The following INTS14 variants were observed in gnomAD, a reference collection of about 807,000 sequenced individuals.
The protein encoded by INTS14 is UPF0464 protein C15orf44.
Under a neutral mutation model 56.9 loss-of-function variants are expected in INTS14, and 27 were observed. That is an observed-to-expected ratio of 0.47 (90% confidence interval 0.35 to 0.65). The LOEUF (loss-of-function observed/expected upper bound fraction) is 0.65, where lower values mean the gene tolerates loss of function less well. Among genes scored for constraint, INTS14 ranks in the 30% least tolerant of loss-of-function variants. The pLI, the probability that INTS14 is intolerant of heterozygous loss-of-function variation, is 0.00. For synonymous variants in INTS14, 207 were observed against 236.2 expected (o/e 0.88, Z 1.13); for missense variants, 517 against 632.2 (o/e 0.82, Z 1.95).
In INTS14 at chr15:65,604,730, C is replaced by CAA. The variant is rs1040822777; in HGVS notation, c.330+397_330+398dup. ...GGGCAACAAAGTGAGACCCTGTCTC[C>CAA]AAAAAAAAAAAAAAAAAAAAGTCTG... On this transcript the variant is annotated intron_variant, in intron 3 of 11. Transcript: ENST00000313182. 3.4e-3 allele frequency among the ~76,000 whole-genome samples: 211 copies of CAA among 62,456 alleles called. 3 individuals are homozygous for CAA. Among genetic ancestry groups the CAA allele is most frequent in the African/African-American group, 9.8e-3 (192 of 19,600 alleles). The allele number at this position is 62,456 out of a possible 152,430, so 41.0% of individuals were successfully genotyped here. A position where few individuals can be genotyped will look rare whatever the true frequency, so the allele number is the denominator to read the frequency against.
intron 2 of INTS14, among the ~76,000 whole-genome samples, chr15:65,606,450 T>A (rs2073657832): frequency 6.6e-6 from 1 of 152,094 alleles, no homozygotes; most frequent in African/African-American, 2.4e-5. Context: ...AGACGGGATC[T>A]TGCCATGTTG....
chr15:65,608,616 A>C (rs912707594), intron 1 of INTS14, among the ~76,000 whole-genome samples: 3 of 152,214 alleles, frequency 2.0e-5, no homozygotes, highest in African/African-American at 7.2e-5. Flanking sequence ...TAAAACTATA[A>C]ATAAATGACA....
chr15:65,595,268 AC>A (rs1334937170), intron 7 of INTS14, among the ~76,000 whole-genome samples: 1 of 152,208 alleles, frequency 6.6e-6, no homozygotes, highest in Non-Finnish European at 1.5e-5. Flanking sequence ...AGGAGGACCC[AC>A]AAGGGCCTGG....
At chr15:65,598,847 A>G in intron 5 of INTS14, 25 bp downstream of exon 5, 2 of 1,546,434 alleles carry the variant, frequency 1.3e-6, no homozygotes, top group East Asian at 4.5e-5. Context: ...TAAAGAAGGC[A>G]AAAGAGCTCT....
intron 11 of INTS14, among the ~76,000 whole-genome samples, chr15:65,581,547 C>CAAAAAAAAAAAA (rs57782914): frequency 1.5e-4 from 7 of 47,732 alleles, no homozygotes; most frequent in African/African-American, 5.0e-4. Context: ...GACTCCATCT[C>CAAAAAAAAAAAA]AAAAAAAAAA....
chr15:65,604,049 G>T (rs765336131), intron 3 of INTS14, among the ~76,000 whole-genome samples: 12 of 152,130 alleles, frequency 7.9e-5, no homozygotes, highest in Non-Finnish European at 1.8e-4. Context: ...TACTAATGTG[G>T]CCTACTGTGG....
Position 65,607,376 on chromosome 15 carries a change from G to A in INTS14, c.5C>T (p.Pro2Leu), listed in dbSNP as rs200500494. M[P>L]TVVVMDVSLS... ...GGATACATCCATTACCACCACTGTCGGCATGATGAAAATGATCCCAGTGTT... is the reference window on the plus strand; with the variant it reads ...GGATACATCCATTACCACCACTGTCAGCATGATGAAAATGATCCCAGTGTT... The change falls in exon 2 of 12, where the codon CCG becomes CTG. Residue 2 changes from proline (P) to leucine (L), a missense_variant. Physicochemically the swap from Pro to Leu is moderately conservative, Grantham distance 98. Coordinates refer to ENST00000313182, the MANE Select transcript of INTS14 (RefSeq NM_001394796.1). 5.6e-6 allele frequency: 9 copies of A among 1,614,098 alleles called. No individual in the cohort carries two copies. Among genetic ancestry groups the A allele is most frequent in the East Asian group, 4.5e-5 (2 of 44,886 alleles).
chr15:65,611,106 C>G lies in INTS14; in HGVS notation c.-71G>C. On this transcript the variant is annotated 5_prime_UTR_variant, in exon 1 of 12. It removes an upstream start codon present in the reference 5' UTR. Transcript: ENST00000313182. ...TCGGCCTCCCCACTCACCCCGTGCC[C>G]ATCGCCGGACACAGTCCGTCGGCAT... is the stretch of plus-strand genomic sequence containing the variant. 1 of 1,535,788 alleles carries G rather than the reference C, an allele frequency of 6.5e-7. No individual in the cohort carries two copies. Among genetic ancestry groups the G allele is most frequent in the Non-Finnish European group, 8.7e-7 (1 of 1,146,636 alleles).
intron 9 of INTS14, 142 bp downstream of exon 9, chr15:65,591,456 C>T: frequency 9.0e-7 from 1 of 1,116,302 alleles, no homozygotes. Flanking sequence ...TTCAAGTTTT[C>T]ACCGTACACA....
intron 1 of INTS14, chr15:65,610,784 A>G (rs754826082): frequency 1.3e-6 from 2 of 1,535,618 alleles, no homozygotes; most frequent in South Asian, 2.4e-5. Context: ...CATCTGGGAG[A>G]TGTATTTTTA....
chr15:65,609,872 TG>T (rs2073815767), intron 1 of INTS14, among the ~76,000 whole-genome samples: 1 of 152,262 alleles, frequency 6.6e-6, no homozygotes, highest in East Asian at 1.9e-4. Flanking sequence ...CTGTTGACAG[TG>T]ATGACAGCTG....
At chr15:65,598,174 A>C in intron 6 of INTS14, 147 bp downstream of exon 6, 1 of 758,160 alleles carries the variant, frequency 1.3e-6, no homozygotes, top group Non-Finnish European at 2.0e-6. Context: ...CTCTGTTCCC[A>C]AGCATTTTGG....
At chr15:65,591,499 A>G (rs1351879878) in intron 9 of INTS14, 99 bp downstream of exon 9, 1 of 1,465,976 alleles carries the variant, frequency 6.8e-7, no homozygotes, top group African/African-American at 1.4e-5. Context: ...GCATACCAGT[A>G]AGGGAGATCA....
chr15:65,607,202 CA>C lies in INTS14; in HGVS notation c.178del (p.Trp60GlyfsTer3), dbSNP rs763796594. 1 of 1,614,172 alleles carries C rather than the reference CA, an allele frequency of 6.2e-7. No homozygotes were observed. Among genetic ancestry groups the C allele is most frequent in the Admixed American group, 1.7e-5 (1 of 60,022 alleles). On this transcript the variant is annotated frameshift_variant, in exon 2 of 12. Coordinates refer to ENST00000313182, the MANE Select transcript of INTS14 (RefSeq NM_001394796.1). LOFTEE classifies it high-confidence loss of function. ...TCTCGTGAAGGGGACCATCAACTCC[CA>C]AAGTGATGAAAAAACCACAAGTGCT... ...FTALVVFSSL[W>X]ELMVPFTRDY...
chr15:65,610,591 T>C, intron 1 of INTS14: 1 of 1,391,676 alleles, frequency 7.2e-7, no homozygotes, highest in East Asian at 2.5e-5. Flanking sequence ...TTTGTAATTC[T>C]TCCCTGAAGG....
intron 9 of INTS14, among the ~76,000 whole-genome samples, chr15:65,586,126 C>T (rs751251609): frequency 1.3e-5 from 2 of 152,152 alleles, no homozygotes; most frequent in Non-Finnish European, 2.9e-5. Flanking sequence ...GACCCCACTA[C>T]GTAGCAAGCA....
intron 9 of INTS14, among the ~76,000 whole-genome samples, chr15:65,588,066 T>G (rs2141263704): frequency 6.6e-6 from 1 of 151,600 alleles, no homozygotes; most frequent in South Asian, 2.1e-4. Context: ...GGCGGGAGGA[T>G]CACTTGAGGT....
chr15:65,602,354 C>T (rs888945818), intron 3 of INTS14, among the ~76,000 whole-genome samples: 2 of 149,702 alleles, frequency 1.3e-5, no homozygotes, highest in African/African-American at 2.5e-5. Context: ...GGCACGTTCT[C>T]GGCTCACTAC....
chr15:65,597,142 T>C (rs1168893523), intron 6 of INTS14, among the ~76,000 whole-genome samples: 1 of 152,194 alleles, frequency 6.6e-6, no homozygotes, highest in East Asian at 1.9e-4. Flanking sequence ...TACAACTTAA[T>C]GTACTACTGT....
Sources: gnomAD v4.1 joint callset for allele counts (sites outside exome capture counted in the v4.1 genomes callset) on GRCh38, gnomAD v4.1.1 for gene constraint, MANE v1.5 for transcripts, NCBI Gene and HGNC (gene_info 2026-07-23, HGNC 2026-07-21) for gene names.